Variants in FHIT observed in about 807,000 individuals in gnomAD.
FHIT encodes bis(5'-adenosyl)-triphosphatase.
FHIT carries 19 observed loss-of-function variants against 17.9 expected under a neutral mutation model. That is an observed-to-expected ratio of 1.06 (90% CI 0.74 to 1.56). The LOEUF (loss-of-function observed/expected upper bound fraction) is 1.56, where lower values mean the gene tolerates loss of function less well. FHIT is among the 40% of genes most tolerant of loss of function. The pLI, the probability that FHIT is intolerant of heterozygous loss-of-function variation, is 0.00. For missense variants in FHIT, 248 were observed against 189.2 expected, an observed-to-expected ratio of 1.31 and a Z score of -1.82; for synonymous variants, 81 against 69.7, an observed-to-expected ratio of 1.16 and a Z score of -0.81.
intron 3 of FHIT, among the ~76,000 whole-genome samples, chr3:61,007,365 C>T (rs1199994693): frequency 6.6e-6 from 1 of 152,150 alleles, no homozygotes; most frequent in African/African-American, 2.4e-5. Context: ...TGTTTAATTA[C>T]CTTTACAGGC....
chr3:60,687,542 A>C (rs2040886091), intron 4 of FHIT, among the ~76,000 whole-genome samples: 1 of 152,110 alleles, frequency 6.6e-6, no homozygotes, highest in South Asian at 2.1e-4. Context: ...GGCTGTTAAC[A>C]CTTTATATTT....
chr3:60,251,815 C>T (rs1705726567), intron 5 of FHIT, among the ~76,000 whole-genome samples: 2 of 152,184 alleles, frequency 1.3e-5, no homozygotes, highest in African/African-American at 2.4e-5. Context: ...CAAAGCCCTG[C>T]TGTGAACTAA....
At chr3:60,680,316 T>A (rs2040716507) in intron 4 of FHIT, among the ~76,000 whole-genome samples, 1 of 152,220 alleles carries the variant, frequency 6.6e-6, no homozygotes, top group African/African-American at 2.4e-5. Context: ...AGTTGTACAT[T>A]CTTTCATTCA....
chr3:60,870,543 C>T (rs149654803), intron 3 of FHIT, among the ~76,000 whole-genome samples: 17 of 152,194 alleles, frequency 1.1e-4, no homozygotes, highest in African/African-American at 4.1e-4. Context: ...CAAGGCTATC[C>T]TTATCATGAG....
intron 4 of FHIT, among the ~76,000 whole-genome samples, chr3:60,801,387 A>T (rs1382007583): frequency 6.6e-6 from 1 of 152,216 alleles, no homozygotes. Context: ...TAATACAGAA[A>T]GGGAGACAAG....
chr3:60,209,118 C>A (rs1703333052), intron 5 of FHIT, among the ~76,000 whole-genome samples: 1 of 151,990 alleles, frequency 6.6e-6, no homozygotes, highest in South Asian at 2.1e-4. Flanking sequence ...AAAACAAATG[C>A]CAAAACATTT....
intron 5 of FHIT, among the ~76,000 whole-genome samples, chr3:60,355,540 C>T (rs1376160238): frequency 1.3e-5 from 2 of 151,084 alleles, no homozygotes; most frequent in African/African-American, 4.9e-5. Context: ...AGGCTGCATA[C>T]AATTTTTAAT....
intron 5 of FHIT, among the ~76,000 whole-genome samples, chr3:60,173,915 A>ATATATATATATATATTT: frequency 3.0e-5 from 2 of 66,436 alleles, no homozygotes; most frequent in Non-Finnish European, 5.5e-5. Flanking sequence ...ATATATATAT[A>ATATATATATATATATTT]TGTTTTTTTT....
At chr3:60,286,918 G>A (rs1707755193) in intron 5 of FHIT, among the ~76,000 whole-genome samples, 1 of 152,080 alleles carries the variant, frequency 6.6e-6, no homozygotes, top group Non-Finnish European at 1.5e-5. Context: ...AAAAGTTAAG[G>A]CCTCAGATAT....
chr3:60,763,241 A>G (rs1699721915), intron 4 of FHIT, among the ~76,000 whole-genome samples: 1 of 152,222 alleles, frequency 6.6e-6, no homozygotes, highest in Admixed American at 6.5e-5. Context: ...AGGGATCATT[A>G]TCATGGTGGG....
At chr3:60,781,733 A>C (rs540842215) in intron 4 of FHIT, among the ~76,000 whole-genome samples, 1 of 152,210 alleles carries the variant, frequency 6.6e-6, no homozygotes, top group Non-Finnish European at 1.5e-5. Flanking sequence ...TCTACAAATA[A>C]AATAACAAGA....
chr3:61,223,050 C>A (rs543211460), intron 1 of FHIT, among the ~76,000 whole-genome samples: 1 of 152,304 alleles, frequency 6.6e-6, no homozygotes, highest in Non-Finnish European at 1.5e-5. Flanking sequence ...TTCATTATCT[C>A]TGGCCCTTAT....
At chr3:61,043,075 C>T (rs1310774823) in intron 2 of FHIT, among the ~76,000 whole-genome samples, 2 of 152,130 alleles carry the variant, frequency 1.3e-5, no homozygotes, top group Non-Finnish European at 2.9e-5. Flanking sequence ...GCATTTCCAA[C>T]TGAGGTACCG....
chr3:60,744,050 G>T (rs1471074975), intron 4 of FHIT, among the ~76,000 whole-genome samples: 2 of 151,916 alleles, frequency 1.3e-5, no homozygotes, highest in Non-Finnish European at 2.9e-5. Context: ...CCCAAGGAAG[G>T]GGGGCTATTT....
intron 4 of FHIT, among the ~76,000 whole-genome samples, chr3:60,821,646 A>T (rs1181456816): frequency 6.6e-6 from 1 of 152,198 alleles, no homozygotes; most frequent in Non-Finnish European, 1.5e-5. Context: ...GCTACATTTC[A>T]TGGAAAAGAA....
intron 3 of FHIT, among the ~76,000 whole-genome samples, chr3:60,850,118 C>T (rs1340439962): frequency 6.6e-6 from 1 of 151,966 alleles, no homozygotes; most frequent in Non-Finnish European, 1.5e-5. Flanking sequence ...ATGCTATTTG[C>T]TTGAGGGGGC....
At chr3:61,196,854 G>A (rs964914567) in intron 2 of FHIT, among the ~76,000 whole-genome samples, 5 of 152,176 alleles carry the variant, frequency 3.3e-5, no homozygotes, top group African/African-American at 7.2e-5. Context: ...CTGCAGGGAA[G>A]AAAGTAGGGA....
chr3:60,198,523 T>C (rs868846771), intron 5 of FHIT, among the ~76,000 whole-genome samples: 3 of 147,348 alleles, frequency 2.0e-5, no homozygotes, highest in African/African-American at 7.4e-5. Flanking sequence ...ATATGCAAGA[T>C]AGCTGTCGTG....
chr3:60,715,909 C>T (rs2041671782), intron 4 of FHIT, among the ~76,000 whole-genome samples: 1 of 152,114 alleles, frequency 6.6e-6, no homozygotes, highest in African/African-American at 2.4e-5. Context: ...TCTCAGGGAT[C>T]ACCAGGAGTC....
Sources: gnomAD v4.1 joint callset for allele counts (sites outside exome capture counted in the v4.1 genomes callset) on GRCh38, gnomAD v4.1.1 for gene constraint, MANE v1.5 for transcripts, NCBI Gene and HGNC (gene_info 2026-07-23, HGNC 2026-07-21) for gene names.